The following RIF1 variants were observed in gnomAD, a reference collection of about 807,000 sequenced individuals.
RIF1 encodes the protein telomere-associated protein RIF1.
RIF1 carries 45 observed loss-of-function variants against 247.1 expected under a neutral mutation model. The observed-to-expected ratio is 0.18, with a 90% CI of 0.14 to 0.23. RIF1 has a LOEUF of 0.23. Ranked by LOEUF, RIF1 falls within the 10% of genes least tolerant of loss-of-function variation. The pLI, the probability that RIF1 is intolerant of heterozygous loss-of-function variation, is 1.00. For synonymous variants in RIF1, 1,087 were observed against 978.8 expected, an observed-to-expected ratio of 1.11 and a Z score of -2.06; for missense variants, 2,967 against 2,862.5, an observed-to-expected ratio of 1.04 and a Z score of -0.83.
chr2:151,498,145 T>C (rs770193737), intron 10 of RIF1: 1 of 1,529,184 alleles, frequency 6.5e-7, no homozygotes, highest in Non-Finnish European at 8.8e-7. Context: ...TTTTGTAATA[T>C]AAGATGTATT....
chr2:151,478,371 A>C lies in RIF1; in HGVS notation c.*3300A>C, dbSNP rs1259423569. On this transcript the variant is annotated 3_prime_UTR_variant, in exon 36 of 36. Coordinates refer to ENST00000444746, the MANE Select transcript of RIF1 (RefSeq NM_018151.5). ...CATGTTGGCGCATACTTGTAATCTC[A>C]GCTACTCAGGAGGCTGAGACATGAG... 1 of 152,142 alleles carries C rather than the reference A, an allele frequency of 6.6e-6. No homozygotes were observed. The highest frequency in any genetic ancestry group is 2.4e-5 in the African/African-American group (1 of 41,422). The allele number at this position is 152,142 out of a possible 1,614,324, so 9.4% of individuals were successfully genotyped here.
intron 9 of RIF1, chr2:151,490,506 C>CGCT (rs1559117769): frequency 6.2e-7 from 1 of 1,608,998 alleles, no homozygotes; most frequent in Admixed American, 1.7e-5. Context: ...CCGGCTCCGG[C>CGCT]GCTGAGCTTG....
At chr2:151,451,796 C>T (rs1214632924) in intron 21 of RIF1, 91 bp downstream of exon 21, 1 of 669,352 alleles carries the variant, frequency 1.5e-6, no homozygotes, top group Non-Finnish European at 2.7e-6. Context: ...TTTGCCACCT[C>T]ATTTTACTAA....
intron 34 of RIF1, among the ~76,000 whole-genome samples, chr2:151,473,748 T>C (rs1327215257): frequency 6.6e-6 from 1 of 152,216 alleles, no homozygotes. Flanking sequence ...ATTGTTAAAT[T>C]CTAACCCTCT....
At chr2:151,524,367 T>C in the RIF1 span, 1 of 1,613,978 alleles carries the variant, frequency 6.2e-7, no homozygotes, top group Non-Finnish European at 8.5e-7. Context: ...CGACCGAGCA[T>C]GCTTAAGCCA....
chr2:151,510,826 T>C (rs114353777), downstream of RIF1, among the ~76,000 whole-genome samples: 2,263 of 152,302 alleles, frequency 0.015, 81 homozygotes, highest in East Asian at 0.14. Flanking sequence ...GAGACTACTG[T>C]ATAGTATCCT....
chr2:151,491,510 T>TA (rs2056628327), intron 9 of RIF1: 1 of 556,590 alleles, frequency 1.8e-6, no homozygotes, highest in South Asian at 2.3e-5. Context: ...AACTTGAACT[T>TA]ATCTAGAAAG....
chr2:151,464,709 A>C lies in RIF1; in HGVS notation c.5189A>C (p.Lys1730Thr). The change falls in exon 30 of 36, where the codon AAA becomes ACA. Residue 1730 changes from lysine (K) to threonine (T), a missense_variant. By Grantham distance (78) the Lys-to-Thr change is moderately conservative. This residue lies in a region of RIF1 where 2,028 missense variants were observed against 1,825.6 expected (regional missense o/e 1.11). Transcript: ENST00000444746. ...AGAAGTAGGAGGGTGAGGAGATCTA[A>C]AGGTTGTGATTGCTGTGGGGAAAAA... ...HKRSRRVRRS[K>T]GCDCCGEKSQ... 3 of 1,613,384 alleles carry C rather than the reference A, an allele frequency of 1.9e-6. No individual in the cohort carries two copies. Among genetic ancestry groups the C allele is most frequent in the Non-Finnish European group, 2.5e-6 (3 of 1,179,752 alleles).
At chr2:151,425,681 T>TTTG (rs1214429071) in intron 8 of RIF1, among the ~76,000 whole-genome samples, 72 of 146,894 alleles carry the variant, frequency 4.9e-4, no homozygotes, top group Admixed American at 7.6e-4. Flanking sequence ...TTTTTTTTTT[T>TTTG]TGTGAGACAG....
intron 6 of RIF1, among the ~76,000 whole-genome samples, chr2:151,417,730 G>C (rs1262951182): frequency 1.3e-5 from 2 of 152,156 alleles, no homozygotes; most frequent in African/African-American, 4.8e-5. Flanking sequence ...TAGGTTATAT[G>C]CAAATACAGT....
Position 151,475,100 on chromosome 2 carries a change from T to TGGATTTCTTGATTGAGG in RIF1, c.*29_*30insGGATTTCTTGATTGAGG. The TGGATTTCTTGATTGAGG allele has an allele frequency of 7.0e-7, 1 of 1,431,998 alleles. No homozygotes were observed. Among genetic ancestry groups the TGGATTTCTTGATTGAGG allele is most frequent in the Non-Finnish European group, 9.8e-7 (1 of 1,017,024 alleles). The allele number at this position is 1,431,998 out of a possible 1,614,324, so 88.7% of individuals were successfully genotyped here. Reference sequence around the variant, plus strand: ...TTTCAGAGAAAATTGAAGGTTTTTTTAAACATCACTGGATTTCTTGATTGA... The same window carrying TGGATTTCTTGATTGAGG: ...TTTCAGAGAAAATTGAAGGTTTTTTTGGATTTCTTGATTGAGGAAACATCACTGGATTTCTTGATTGA... On this transcript the variant is annotated 3_prime_UTR_variant, in exon 36 of 36. Coordinates refer to ENST00000444746, the MANE Select transcript of RIF1 (RefSeq NM_018151.5).
rs1255034527 is a variant in RIF1 at position 151,422,973 on chromosome 2, G to GC, written c.718dup (p.Leu240ProfsTer5). ...AGAAATTAATCTCAGAACTTCAGAAGCTATTTATGAGTAAAAATGAGACTT... is the reference window on the plus strand; with the variant it reads ...AGAAATTAATCTCAGAACTTCAGAAGCCTATTTATGAGTAAAAATGAGACTT... On this transcript the variant is annotated frameshift_variant, in exon 8 of 36. Coordinates refer to ENST00000444746, the MANE Select transcript of RIF1 (RefSeq NM_018151.5). LOFTEE classifies it high-confidence loss of function. 6.3e-7 allele frequency: 1 copy of GC among 1,580,986 alleles called. No homozygotes were observed.
intron 14 of RIF1, among the ~76,000 whole-genome samples, 172 bp downstream of exon 14, chr2:151,438,918 G>A (rs1177918525): frequency 6.6e-6 from 1 of 152,158 alleles, no homozygotes; most frequent in Non-Finnish European, 1.5e-5. Flanking sequence ...GAACACTGGG[G>A]TTAGGTGTGC....
At position 151,503,220 on chromosome 2, in the gene RIF1, G is replaced by A. The variant is rs940654179; in HGVS notation, c.*861+35G>A. ...TTTGTATTAACATAATTTTGGTCAGGTAATAATACACAACACACACAGACA... is the reference window on the plus strand; with the variant it reads ...TTTGTATTAACATAATTTTGGTCAGATAATAATACACAACACACACAGACA... On this transcript the variant is annotated intron_variant and NMD_transcript_variant, in intron 12 of 13. Coordinates refer to the RIF1 transcript ENST00000454583. The A allele has an allele frequency of 2.8e-5, 20 of 702,634 alleles. No homozygotes were observed. The Admixed American group carries it at 5.7e-4, about 20-fold the overall frequency. 43.5% of individuals were successfully genotyped at this position (702,634 alleles called of 1,614,324 possible).
rs1247118722 is a variant in RIF1 at position 151,463,528 on chromosome 2, A to C, written c.4008A>C (p.Glu1336Asp). ...CACCTGGTTTGCTTAATCAAACAGA[A>C]TGTGTGTCAGATAATCAGGTTCATC... is the stretch of plus-strand genomic sequence containing the variant. ...NNPPGLLNQTECVSDNQVHLS... is the reference protein window; with the variant it reads ...NNPPGLLNQTDCVSDNQVHLS... Residue 1336 changes from glutamate (E) to aspartate (D), a missense_variant, in exon 30 of 36, where the codon GAA becomes GAC. Glu to Asp is a conservative substitution (Grantham distance 45). Coordinates refer to ENST00000444746, the MANE Select transcript of RIF1 (RefSeq NM_018151.5). 1 of 1,613,972 alleles carries C rather than the reference A, an allele frequency of 6.2e-7. No individual in the cohort carries two copies. Among genetic ancestry groups the C allele is most frequent in the Non-Finnish European group, 8.5e-7 (1 of 1,180,010 alleles).
intron 8 of RIF1, chr2:151,423,581 T>G (rs2152216044): frequency 6.5e-6 from 1 of 153,398 alleles, no homozygotes; most frequent in South Asian, 2.1e-4. Flanking sequence ...TATCTTCTAA[T>G]AGACGTTAAG....
At chr2:151,533,769 G>A in the RIF1 span, among the ~76,000 whole-genome samples, 1 of 152,208 alleles carries the variant, frequency 6.6e-6, no homozygotes, top group Non-Finnish European at 1.5e-5. Flanking sequence ...GAATGATACA[G>A]CTAGTTTCAC....
chr2:151,464,926 GGATAAT>G lies in RIF1; in HGVS notation c.5411_5416del (p.Asn1804_Asp1805del), dbSNP rs778929987. On this transcript the variant is annotated inframe_deletion, in exon 30 of 36. Coordinates refer to ENST00000444746, the MANE Select transcript of RIF1 (RefSeq NM_018151.5). Reference sequence around the variant, plus strand: ...TGAATTTTCATTTGGGTCTCAAAGAGGATAATGATACTATTAATGATTCATTAATTG... The same window carrying G: ...TGAATTTTCATTTGGGTCTCAAAGAGGATACTATTAATGATTCATTAATTG... 6 of 1,574,886 alleles carry G rather than the reference GGATAAT, an allele frequency of 3.8e-6. No homozygotes were observed. Among genetic ancestry groups the G allele is most frequent in the Non-Finnish European group, 5.1e-6 (6 of 1,167,074 alleles).
intron 19 of RIF1, 53 bp from the exon 20 acceptor site, chr2:151,446,372 CT>C: frequency 7.1e-7 from 1 of 1,411,218 alleles, no homozygotes; most frequent in Non-Finnish European, 9.7e-7. Context: ...ATTCTATAAA[CT>C]TTGATAGATA....
Sources: allele counts gnomAD v4.1 joint callset (sites outside exome capture counted in the v4.1 genomes callset), GRCh38; gene constraint gnomAD v4.1.1; regional missense constraint gnomAD v4.1.1; transcripts MANE v1.5; gene names NCBI Gene and HGNC (gene_info 2026-07-23, HGNC 2026-07-21).